Variants in COL11A1 observed in about 807,000 individuals in gnomAD.
COL11A1 encodes collagen alpha-1(XI) chain.
Under a neutral mutation model 265.2 loss-of-function variants are expected in COL11A1, and 74 were observed. The ratio of observed to expected loss-of-function variants is 0.28; its 90% CI spans 0.23 to 0.34. The LOEUF is 0.34. COL11A1 is among the 10% of genes least tolerant of loss of function. COL11A1 has a pLI of 1.00. For synonymous variants in COL11A1, 816 were observed against 727.6 expected, an observed-to-expected ratio of 1.12 and a Z score of -1.96; for missense variants, 2,165 against 2,263.6, an observed-to-expected ratio of 0.96 and a Z score of 0.88.
chr1:102,898,767 C>A lies in COL11A1; in HGVS notation c.4147G>T (p.Ala1383Ser). 1 of 1,612,784 alleles carries A rather than the reference C, an allele frequency of 6.2e-7. No individual in the cohort carries two copies. Among genetic ancestry groups the A allele is most frequent in the Non-Finnish European group, 8.5e-7 (1 of 1,179,270 alleles). The change falls in exon 56 of 67, where the codon GCA (alanine) becomes TCA (serine). Residue 1383 changes from alanine (A) to serine (S), a missense_variant. By Grantham distance (99) the Ala-to-Ser change is moderately conservative. Coordinates refer to ENST00000370096, the MANE Select transcript of COL11A1 (RefSeq NM_001854.4). ...RQGEKGAKGE[A>S]GAEGPPGKTG... ...TTTCCAGGAGGACCTTCTGCACCTGCTTCCCCCTGTTAGAAAGTAAAATAT... is the reference window on the plus strand; with the variant it reads ...TTTCCAGGAGGACCTTCTGCACCTGATTCCCCCTGTTAGAAAGTAAAATAT...
chr1:103,096,059 G>A (rs1469301552), intron 1 of COL11A1, among the ~76,000 whole-genome samples: 1 of 151,930 alleles, frequency 6.6e-6, no homozygotes, highest in East Asian at 1.9e-4. Flanking sequence ...ACCATTGGAA[G>A]GTTAGGGGAG....
intron 31 of COL11A1, among the ~76,000 whole-genome samples, chr1:102,979,888 A>T (rs1036535729): frequency 5.3e-5 from 8 of 152,118 alleles, no homozygotes; most frequent in African/African-American, 1.9e-4. Context: ...ACCACTTTTG[A>T]GTTGAGTATT....
intron 14 of COL11A1, among the ~76,000 whole-genome samples, chr1:103,010,700 T>G (rs1311396118): frequency 6.6e-6 from 1 of 151,092 alleles, no homozygotes; most frequent in African/African-American, 2.5e-5. Context: ...CTGATATTTG[T>G]AAATTTTTTT....
chr1:102,914,904 G>T, intron 50 of COL11A1, 93 bp from the exon 51 acceptor site: 1 of 1,003,148 alleles, frequency 1.0e-6, no homozygotes, highest in Non-Finnish European at 1.5e-6. Context: ...GGCACACTGG[G>T]CCAGAATATA....
At chr1:103,067,317 G>T (rs1671234412) in intron 4 of COL11A1, among the ~76,000 whole-genome samples, 1 of 151,716 alleles carries the variant, frequency 6.6e-6, no homozygotes, top group African/African-American at 2.4e-5. Flanking sequence ...AACAGAATTA[G>T]ACACCAATAC....
At chr1:102,989,241 CGTGTGTGTGCAT>C (rs1018156384) in intron 29 of COL11A1, among the ~76,000 whole-genome samples, 2 of 151,570 alleles carry the variant, frequency 1.3e-5, no homozygotes, top group African/African-American at 4.8e-5. Flanking sequence ...AATACTAACA[CGTGTGTGTGCAT>C]GTGTGTGTGT....
chr1:102,968,738 A>C (rs1661674718), intron 37 of COL11A1, among the ~76,000 whole-genome samples: 1 of 152,194 alleles, frequency 6.6e-6, no homozygotes, highest in South Asian at 2.1e-4. Flanking sequence ...TTTCAGAAAT[A>C]ATCCTGGCTT....
rs866750695 is a variant in COL11A1 at position 102,989,567 on chromosome 1, T to C, written c.2345A>G (p.Glu782Gly). The C allele has an allele frequency of 1.2e-6, 2 of 1,609,294 alleles. No individual in the cohort carries two copies. The highest frequency in any genetic ancestry group is 1.7e-4 in the Middle Eastern group (1 of 6,030). Residue 782 changes from glutamate (E) to glycine (G), a missense_variant, in exon 29 of 67, where the codon GAA (glutamate) becomes GGA (glycine). Coordinates refer to ENST00000370096, the MANE Select transcript of COL11A1 (RefSeq NM_001854.4). ...GLKGSKGEKG[E>G]DGFPGFKGDM... is the part of the protein sequence containing the mutation. ...ACCTTTGAATCCTGGAAAACCATCT[T>C]CACCCTAAAACATTATAAAAGGAAT...
intron 4 of COL11A1, among the ~76,000 whole-genome samples, chr1:103,054,758 A>G (rs543114209): frequency 1.3e-5 from 2 of 152,168 alleles, no homozygotes; most frequent in Admixed American, 6.5e-5. Context: ...AAAATTAGCC[A>G]GGCATGGTGG....
At chr1:103,008,345 C>T in intron 15 of COL11A1, 118 bp downstream of exon 15, 1 of 769,880 alleles carries the variant, frequency 1.3e-6, no homozygotes, top group South Asian at 1.6e-5. Context: ...AACCCTCATA[C>T]ATCAATGGAA....
At chr1:103,084,329 C>T (rs534597920) in intron 1 of COL11A1, among the ~76,000 whole-genome samples, 1 of 152,240 alleles carries the variant, frequency 6.6e-6, no homozygotes, top group African/African-American at 2.4e-5. Flanking sequence ...TAAGTAGACT[C>T]ATACAGAAGT....
intron 1 of COL11A1, among the ~76,000 whole-genome samples, chr1:103,093,264 T>C (rs1371401621): frequency 6.6e-6 from 1 of 151,990 alleles, no homozygotes; most frequent in Non-Finnish European, 1.5e-5. Context: ...AAAAGGGTGG[T>C]TCGATAATTT....
chr1:102,980,045 T>A (rs1316088519), intron 31 of COL11A1, among the ~76,000 whole-genome samples: 4 of 152,134 alleles, frequency 2.6e-5, no homozygotes, highest in Non-Finnish European at 4.4e-5. Context: ...TCTGAAGACA[T>A]AATTTTGAGA....
Position 102,934,442 on chromosome 1 carries a change from A to T in COL11A1, c.3600+7T>A. 1 of 1,588,782 alleles carries T rather than the reference A, an allele frequency of 6.3e-7. No homozygotes were observed. The highest frequency in any genetic ancestry group is 8.6e-7 in the Non-Finnish European group (1 of 1,156,882). ...TGATGGAGTAAACAATGACAGGATC[A>T]TCTTACCTGAAGACCTATTGGACCA... On this transcript the variant is annotated splice_region_variant and intron_variant, in intron 46 of 66. Transcript: ENST00000370096.
intron 63 of COL11A1, among the ~76,000 whole-genome samples, chr1:102,883,808 T>TAA (rs11322087): frequency 6.9e-6 from 1 of 145,486 alleles, no homozygotes; most frequent in African/African-American, 2.5e-5. Flanking sequence ...CCTTATTTTA[T>TAA]AAAAAAAAAA....
chr1:103,027,079 C>G (rs868188410), intron 5 of COL11A1, among the ~76,000 whole-genome samples: 2 of 151,426 alleles, frequency 1.3e-5, no homozygotes, highest in Non-Finnish European at 3.0e-5. Context: ...AGGCATAACA[C>G]TTAGCTTTCT....
chr1:103,030,707 T>A (rs746294988), intron 5 of COL11A1, among the ~76,000 whole-genome samples: 42 of 152,132 alleles, frequency 2.8e-4, no homozygotes, highest in Non-Finnish European at 5.9e-4. Context: ...ATAGTTCTAA[T>A]GTCACTTTCT....
intron 1 of COL11A1, among the ~76,000 whole-genome samples, chr1:103,095,240 T>C (rs1338044023): frequency 6.6e-6 from 1 of 152,074 alleles, no homozygotes; most frequent in East Asian, 1.9e-4. Context: ...GCTTAAATAA[T>C]TTAAGGCAAC....
intron 2 of COL11A1, among the ~76,000 whole-genome samples, chr1:103,079,832 C>T (rs1007217056): frequency 6.6e-6 from 1 of 151,818 alleles, no homozygotes; most frequent in African/African-American, 2.4e-5. Context: ...CAAGGCCTTC[C>T]TTTTTCAATC....
Sources: allele counts gnomAD v4.1 joint callset (sites outside exome capture counted in the v4.1 genomes callset), GRCh38; gene constraint gnomAD v4.1.1; transcripts MANE v1.5; gene names NCBI Gene and HGNC (gene_info 2026-07-23, HGNC 2026-07-21).